Variants in OXR1 observed in about 807,000 individuals in gnomAD.
The protein encoded by OXR1 is oxidation resistance protein 1.
A neutral mutation model predicts 104.6 loss-of-function variants in OXR1; 41 were observed. The observed-to-expected ratio is 0.39, with a 90% CI of 0.31 to 0.51. The LOEUF (loss-of-function observed/expected upper bound fraction) is 0.51. Ranked by LOEUF, OXR1 falls within the 20% of genes least tolerant of loss-of-function variation. The pLI, the probability that OXR1 is intolerant of heterozygous loss-of-function variation, is 0.77. For synonymous variants in OXR1, 348 were observed against 348.4 expected (o/e 1.00, Z 0.01); for missense variants, 955 against 1,031.9 (o/e 0.93, Z 1.02).
chr8:106,628,247 C>T (rs1377115286), intron 3 of OXR1, among the ~76,000 whole-genome samples: 2 of 151,988 alleles, frequency 1.3e-5, no homozygotes, highest in Admixed American at 6.6e-5. Context: ...TGCAAGGGTT[C>T]GATGATAAAA....
chr8:106,398,749 GCCAC>G (rs1323240603), intron 2 of OXR1, among the ~76,000 whole-genome samples: 1 of 152,070 alleles, frequency 6.6e-6, no homozygotes, highest in Admixed American at 6.6e-5. Flanking sequence ...TTGCTCAGGT[GCCAC>G]CCACCCCACC....
intron 14 of OXR1, among the ~76,000 whole-genome samples, chr8:106,741,340 A>G (rs899255607): frequency 1.3e-5 from 2 of 152,132 alleles, no homozygotes; most frequent in African/African-American, 2.4e-5. Flanking sequence ...CTATAGTGGT[A>G]TTAGGCTAGT....
chr8:106,586,139 A>G (rs1413863312), intron 3 of OXR1, among the ~76,000 whole-genome samples: 1 of 152,172 alleles, frequency 6.6e-6, no homozygotes, highest in Non-Finnish European at 1.5e-5. Flanking sequence ...GAACATCAAG[A>G]TTGGAAGCAG....
At chr8:106,338,391 A>T (rs995860926) in intron 1 of OXR1, among the ~76,000 whole-genome samples, 1 of 151,750 alleles carries the variant, frequency 6.6e-6, no homozygotes, top group Non-Finnish European at 1.5e-5. Context: ...GGTGAAACCT[A>T]GTCTCTACTA....
chr8:106,638,293 T>C (rs1823324645), intron 3 of OXR1, among the ~76,000 whole-genome samples: 1 of 152,184 alleles, frequency 6.6e-6, no homozygotes, highest in Non-Finnish European at 1.5e-5. Flanking sequence ...AAGTCATTGA[T>C]AAATCGTCAC....
At chr8:106,741,374 A>T (rs1011705198) in intron 14 of OXR1, among the ~76,000 whole-genome samples, 1 of 152,122 alleles carries the variant, frequency 6.6e-6, no homozygotes, top group South Asian at 2.1e-4. Flanking sequence ...AGTTGAGACT[A>T]TTGATGAGAG....
chr8:106,345,707 T>A (rs551465724), intron 1 of OXR1, among the ~76,000 whole-genome samples: 1 of 152,180 alleles, frequency 6.6e-6, no homozygotes, highest in Non-Finnish European at 1.5e-5. Flanking sequence ...ACATAAAACA[T>A]ACGTTTGATC....
rs192054459 is a variant in OXR1, at chr8:106,448,505, T to G, written c.24-70438T>G. Reference sequence around the variant, plus strand: ...AGCACATATATTTCAGTATGTTGTATTCAGCTTAAATATATTATTTAAAAT... The same window carrying G: ...AGCACATATATTTCAGTATGTTGTAGTCAGCTTAAATATATTATTTAAAAT... On this transcript the variant is annotated intron_variant, in intron 2 of 16. Transcript: ENST00000517566. Among the ~76,000 whole-genome samples the G allele has an allele frequency of 3.7e-3, 562 of 152,260 alleles. 3 individuals carry two copies. The highest frequency in any genetic ancestry group is 0.024 in the Middle Eastern group (7 of 292).
At chr8:106,713,093 C>T (rs1343709627) in intron 10 of OXR1, among the ~76,000 whole-genome samples, 2 of 151,740 alleles carry the variant, frequency 1.3e-5, no homozygotes, top group South Asian at 2.1e-4. Context: ...TTAGCTGCCA[C>T]GTAAAGAATG....
chr8:106,343,102 T>C (rs868863653), intron 1 of OXR1, among the ~76,000 whole-genome samples: 16 of 152,200 alleles, frequency 1.1e-4, no homozygotes, highest in African/African-American at 3.4e-4. Context: ...GCTACCTTCT[T>C]TCAGGTCTTT....
At chr8:106,513,465 T>G (rs749277796) in intron 2 of OXR1, among the ~76,000 whole-genome samples, 1 of 152,108 alleles carries the variant, frequency 6.6e-6, no homozygotes, top group Non-Finnish European at 1.5e-5. Context: ...TTAGTTGTTT[T>G]CTGAAAGATT....
intron 15 of OXR1, among the ~76,000 whole-genome samples, chr8:106,743,860 C>T (rs751516241): frequency 3.9e-5 from 6 of 152,118 alleles, no homozygotes; most frequent in Admixed American, 2.0e-4. Context: ...AAATGCCCAT[C>T]GATGATAGAC....
At chr8:106,657,844 C>G in intron 3 of OXR1, 1 of 1,238,732 alleles carries the variant, frequency 8.1e-7, no homozygotes. Flanking sequence ...GACGCCCCCT[C>G]CTCCTCCCCG....
chr8:106,324,886 A>T (rs184495070), intron 1 of OXR1, among the ~76,000 whole-genome samples: 44 of 152,350 alleles, frequency 2.9e-4, no homozygotes, highest in African/African-American at 9.6e-4. Context: ...ATGGTTCCAT[A>T]AGACAATGTG....
At chr8:106,559,940 A>T (rs1816558253) in intron 3 of OXR1, among the ~76,000 whole-genome samples, 1 of 152,234 alleles carries the variant, frequency 6.6e-6, no homozygotes, top group South Asian at 2.1e-4. Flanking sequence ...ATATTTGTCA[A>T]GTGGGACAAA....
intron 2 of OXR1, among the ~76,000 whole-genome samples, chr8:106,493,357 A>G (rs1301689948): frequency 6.6e-6 from 1 of 151,748 alleles, no homozygotes; most frequent in Non-Finnish European, 1.5e-5. Context: ...TCCTCCTTTT[A>G]TCTCTTACCT....
intron 1 of OXR1, among the ~76,000 whole-genome samples, chr8:106,324,659 T>C (rs941370209): frequency 6.6e-6 from 1 of 151,944 alleles, no homozygotes; most frequent in African/African-American, 2.4e-5. Context: ...GTGCCCTCCA[T>C]CGTCATCAAC....
chr8:106,447,394 T>A (rs1454667721), intron 2 of OXR1, among the ~76,000 whole-genome samples: 1 of 152,114 alleles, frequency 6.6e-6, no homozygotes, highest in Non-Finnish European at 1.5e-5. Context: ...AGTGTCTGGG[T>A]TCTTACAGGA....
intron 3 of OXR1, among the ~76,000 whole-genome samples, chr8:106,577,685 C>G (rs544887816): frequency 6.6e-6 from 1 of 152,036 alleles, no homozygotes; most frequent in Non-Finnish European, 1.5e-5. Flanking sequence ...CTACTGCGCC[C>G]GGCCAAAGCT....
Sources: gnomAD v4.1 joint callset for allele counts (sites outside exome capture counted in the v4.1 genomes callset) on GRCh38, gnomAD v4.1.1 for gene constraint, MANE v1.5 for transcripts, NCBI Gene and HGNC (gene_info 2026-07-23, HGNC 2026-07-21) for gene names.